TAFA1: variants seen among roughly 807,000 people sequenced by gnomAD.
TAFA1 encodes TAFA chemokine like family member 1, also known as chemokine-like protein TAFA-1.
A neutral mutation model predicts 18.5 loss-of-function variants in TAFA1; 4 were observed. That is an observed-to-expected ratio of 0.22 (90% CI 0.11 to 0.49). TAFA1 has a LOEUF of 0.49. Among genes scored for constraint, TAFA1 ranks in the 20% least tolerant of loss-of-function variants. The pLI is 0.98. For missense variants in TAFA1, 147 were observed against 169.0 expected (o/e 0.87, Z 0.72); for synonymous variants, 56 against 55.2 (o/e 1.01, Z -0.06).
chr3:68,246,915 G>T (rs944350369), intron 2 of TAFA1: 1 of 152,124 alleles, frequency 6.6e-6, no homozygotes, highest in African/African-American at 2.4e-5. Flanking sequence ...ATAAATGTTA[G>T]AACATGGAAT....
intron 2 of TAFA1, among the ~76,000 whole-genome samples, chr3:68,179,727 A>G (rs1034252848): frequency 1.3e-5 from 2 of 152,114 alleles, no homozygotes; most frequent in African/African-American, 2.4e-5. Context: ...AGAATTTTTC[A>G]CTTATTAATT....
At chr3:68,536,909 G>A (rs1391849120) in intron 3 of TAFA1, among the ~76,000 whole-genome samples, 1 of 152,120 alleles carries the variant, frequency 6.6e-6, no homozygotes, top group Non-Finnish European at 1.5e-5. Context: ...ACTCTTGATG[G>A]TAAGGATATA....
At chr3:68,090,209 A>C (rs1165352367) in intron 2 of TAFA1, among the ~76,000 whole-genome samples, 1 of 152,208 alleles carries the variant, frequency 6.6e-6, no homozygotes, top group Admixed American at 6.5e-5. Flanking sequence ...TAAAACAAAC[A>C]AATCCCTGCA....
chr3:68,305,370 T>G (rs2068385546), intron 2 of TAFA1, among the ~76,000 whole-genome samples: 1 of 142,648 alleles, frequency 7.0e-6, no homozygotes, highest in Non-Finnish European at 1.5e-5. Flanking sequence ...TGACTATATA[T>G]AAATGGCTAT....
intron 2 of TAFA1, among the ~76,000 whole-genome samples, chr3:68,150,998 T>G (rs2106921069): frequency 6.6e-6 from 1 of 151,980 alleles, no homozygotes; most frequent in African/African-American, 2.4e-5. Flanking sequence ...AACTAGAAAC[T>G]AAAAAACTAA....
chr3:68,209,555 G>A (rs1358182212), intron 2 of TAFA1, among the ~76,000 whole-genome samples: 1 of 151,988 alleles, frequency 6.6e-6, no homozygotes, highest in Admixed American at 6.6e-5. Flanking sequence ...CAGTTTATTT[G>A]CTGTCTCCCA....
chr3:68,516,723 G>A lies in TAFA1; in HGVS notation c.260-22033G>A, dbSNP rs555559005. 2.4e-4 allele frequency among the ~76,000 whole-genome samples: 37 copies of A among 152,266 alleles called. No individual in the cohort carries two copies. The South Asian group carries it at 6.6e-3, about 27-fold the overall frequency. On this transcript the variant is annotated intron_variant, in intron 3 of 4. Coordinates refer to ENST00000478136, the MANE Select transcript of TAFA1 (RefSeq NM_213609.4). ...ACCACTGCTAAATAAAATCATTTCA[G>A]ATAATAGTACAGGTGACACCAAATA...
intron 2 of TAFA1, among the ~76,000 whole-genome samples, chr3:68,407,733 G>T (rs2070637795): frequency 6.6e-6 from 1 of 152,102 alleles, no homozygotes. Context: ...CCTGGCTCTG[G>T]AATCTGTGAT....
At chr3:68,266,058 G>T (rs1029760245) in intron 2 of TAFA1, among the ~76,000 whole-genome samples, 46 of 152,292 alleles carry the variant, frequency 3.0e-4, no homozygotes, top group African/African-American at 1.1e-3. Context: ...GTGCCAGGCT[G>T]CTGCATGTCA....
chr3:68,036,452 A>T (rs982505041), intron 2 of TAFA1, among the ~76,000 whole-genome samples: 2 of 152,004 alleles, frequency 1.3e-5, no homozygotes, highest in African/African-American at 4.8e-5. Flanking sequence ...AAAAAAAAAA[A>T]AAAAGGAATT....
chr3:68,275,745 A>G (rs1480251976), intron 2 of TAFA1, among the ~76,000 whole-genome samples: 1 of 152,106 alleles, frequency 6.6e-6, no homozygotes, highest in East Asian at 1.9e-4. Flanking sequence ...TAGAGTAAAT[A>G]GGGCAAAAAT....
At chr3:68,320,232 C>T (rs1423597375) in intron 2 of TAFA1, among the ~76,000 whole-genome samples, 1 of 152,138 alleles carries the variant, frequency 6.6e-6, no homozygotes, top group Non-Finnish European at 1.5e-5. Flanking sequence ...AGTTTGAGAA[C>T]AAGGCTTTGG....
intron 2 of TAFA1, among the ~76,000 whole-genome samples, chr3:68,363,147 T>C (rs2069501597): frequency 6.6e-6 from 1 of 152,140 alleles, no homozygotes; most frequent in South Asian, 2.1e-4. Flanking sequence ...GCTCATGTTA[T>C]TACAAAGCCT....
chr3:68,400,690 T>C (rs985990839), intron 2 of TAFA1, among the ~76,000 whole-genome samples: 3 of 152,220 alleles, frequency 2.0e-5, no homozygotes, highest in South Asian at 2.1e-4. Flanking sequence ...GAAGATGTTA[T>C]TGGTAATGAC....
At chr3:68,456,281 G>T (rs922549899) in intron 3 of TAFA1, among the ~76,000 whole-genome samples, 1 of 152,074 alleles carries the variant, frequency 6.6e-6, no homozygotes, top group Non-Finnish European at 1.5e-5. Context: ...CTGCATTTGC[G>T]CAAAACAATA....
chr3:68,226,098 G>C (rs562073848), intron 2 of TAFA1, among the ~76,000 whole-genome samples: 7 of 152,184 alleles, frequency 4.6e-5, no homozygotes, highest in African/African-American at 1.7e-4. Context: ...AAGAAAGACC[G>C]ACTGATTGAT....
intron 3 of TAFA1, among the ~76,000 whole-genome samples, chr3:68,464,470 ACAG>A (rs769135877): frequency 2.0e-5 from 3 of 152,120 alleles, no homozygotes; most frequent in Non-Finnish European, 4.4e-5. Context: ...GGGAGCGATG[ACAG>A]CAGGTTCAGA....
chr3:68,011,316 G>C (rs1365596303), intron 2 of TAFA1, among the ~76,000 whole-genome samples: 3 of 152,062 alleles, frequency 2.0e-5, no homozygotes, highest in African/African-American at 7.2e-5. Flanking sequence ...TTTATCGACA[G>C]GGGTGTACGG....
intron 3 of TAFA1, among the ~76,000 whole-genome samples, chr3:68,441,336 C>T (rs77185849): frequency 0.12 from 17,749 of 152,008 alleles, 1,418 homozygotes; most frequent in East Asian, 0.27. Flanking sequence ...CAGATAGTGA[C>T]ACTGTGTGGA....
Sources: gnomAD v4.1 joint callset for allele counts (sites outside exome capture counted in the v4.1 genomes callset) on GRCh38, gnomAD v4.1.1 for gene constraint, MANE v1.5 for transcripts, NCBI Gene and HGNC (gene_info 2026-07-23, HGNC 2026-07-21) for gene names.